Variants in GALNT9 observed in about 807,000 individuals in gnomAD.
The protein encoded by GALNT9 is GalNAc transferase 9.
A neutral mutation model predicts 63.1 loss-of-function variants in GALNT9; 47 were observed. That is an observed-to-expected ratio of 0.75 (90% CI 0.59 to 0.95). GALNT9 has a LOEUF of 0.95. Among genes scored for constraint, GALNT9 ranks in the 40% least tolerant of loss-of-function variants. The probability of loss-of-function intolerance (pLI) is 0.00; values close to 1 mark genes in which losing one functional copy is unlikely to be tolerated. For synonymous variants in GALNT9, 396 were observed against 365.7 expected, an observed-to-expected ratio of 1.08 and a Z score of -0.94; for missense variants, 829 against 874.8, an observed-to-expected ratio of 0.95 and a Z score of 0.66.
At chr12:132,306,688 G>T (rs1881627889) in intron 1 of GALNT9, among the ~76,000 whole-genome samples, 1 of 152,196 alleles carries the variant, frequency 6.6e-6, no homozygotes. Flanking sequence ...ACACCGCTTG[G>T]TTTTGGAGGC....
chr12:132,203,694 C>CG lies in GALNT9; in HGVS notation c.1078-5dup, dbSNP rs774494502. Reference sequence around the variant, plus strand: ...TGCTGCCGCCACACTGCCACACCTGCGGGGAGACGGCGCTGGGTGCCGGCG... The same window carrying CG: ...TGCTGCCGCCACACTGCCACACCTGCGGGGGAGACGGCGCTGGGTGCCGGCG... On this transcript the variant is annotated splice_region_variant and splice_polypyrimidine_tract_variant and intron_variant, in intron 6 of 10. Coordinates refer to ENST00000328957, the MANE Select transcript of GALNT9 (RefSeq NM_001122636.2). 3 of 1,610,476 alleles carry CG rather than the reference C, an allele frequency of 1.9e-6. No individual in the cohort carries two copies. The South Asian group carries it at 3.3e-5, about 18-fold the overall frequency.
chr12:132,240,009 G>C (rs1430999729), intron 6 of GALNT9, among the ~76,000 whole-genome samples: 5 of 152,082 alleles, frequency 3.3e-5, no homozygotes, highest in South Asian at 2.1e-4. Flanking sequence ...GGTGAAGAGT[G>C]GCTCCCCAAC....
At chr12:132,280,815 A>T (rs1880307857) in intron 2 of GALNT9, 1 of 150,674 alleles carries the variant, frequency 6.6e-6, no homozygotes, top group South Asian at 2.1e-4. Flanking sequence ...TGAGGTTTCC[A>T]CTCTTTTTCT....
At chr12:132,292,302 T>C (rs60572658) in intron 1 of GALNT9, among the ~76,000 whole-genome samples, 52,229 of 152,100 alleles carry the variant, frequency 0.34, 10,296 homozygotes, top group African/African-American at 0.56. Flanking sequence ...GAGAGCCGCC[T>C]GAGGTGGGTG....
intron 6 of GALNT9, among the ~76,000 whole-genome samples, chr12:132,216,047 T>C (rs980316475): frequency 6.6e-6 from 1 of 152,040 alleles, no homozygotes; most frequent in Non-Finnish European, 1.5e-5. Context: ...CATGCCCATC[T>C]AATGATAGAC....
chr12:132,197,317 CAGGG>C, intron 10 of GALNT9, 64 bp from the exon 11 acceptor site: 1 of 1,581,964 alleles, frequency 6.3e-7, no homozygotes, highest in Non-Finnish European at 8.6e-7. Context: ...CCCCCCACCT[CAGGG>C]AGGCTGCTTC....
intron 1 of GALNT9, among the ~76,000 whole-genome samples, chr12:132,292,577 C>T (rs767699627): frequency 3.9e-5 from 6 of 152,206 alleles, no homozygotes; most frequent in Admixed American, 2.0e-4. Flanking sequence ...CCCCTGGCCC[C>T]GGCATTCACC....
intron 1 of GALNT9, among the ~76,000 whole-genome samples, chr12:132,290,371 A>C (rs1555242596): frequency 6.6e-6 from 1 of 152,124 alleles, no homozygotes; most frequent in Non-Finnish European, 1.5e-5. Context: ...CTGCGGCACC[A>C]TGGGAGTAAG....
At chr12:132,318,558 C>T (rs1417063509) in intron 1 of GALNT9, among the ~76,000 whole-genome samples, 2 of 152,224 alleles carry the variant, frequency 1.3e-5, no homozygotes, top group East Asian at 1.9e-4. Context: ...GGTGCAGTGT[C>T]GCAGCTGCAG....
chr12:132,209,388 A>T (rs1804055810), intron 6 of GALNT9, among the ~76,000 whole-genome samples: 1 of 151,686 alleles, frequency 6.6e-6, no homozygotes, highest in African/African-American at 2.4e-5. Flanking sequence ...ATAAATAAAT[A>T]AAAAATAAAA....
intron 1 of GALNT9, among the ~76,000 whole-genome samples, chr12:132,287,059 G>A (rs929545805): frequency 1.2e-5 from 1 of 80,522 alleles, no homozygotes; most frequent in East Asian, 3.6e-4. Flanking sequence ...CTGAGTGAGC[G>A]CCCCCCCCCC....
rs573325645 is a variant in GALNT9, at chr12:132,314,843, C to T, written c.238+14123G>A. 1.6e-4 allele frequency among the ~76,000 whole-genome samples: 24 copies of T among 152,340 alleles called. No homozygotes were observed. The East Asian group carries it at 4.6e-3, about 29-fold the overall frequency. ...TGGCATTCATGCATCTTGGGCAGAG[C>T]GGAACTAGCTTCCGTGCAGTGGAGT... On this transcript the variant is annotated intron_variant, in intron 1 of 10. Coordinates refer to ENST00000328957, the MANE Select transcript of GALNT9 (RefSeq NM_001122636.2).
chr12:132,217,514 A>G (rs1024731104), intron 6 of GALNT9, among the ~76,000 whole-genome samples: 4 of 142,626 alleles, frequency 2.8e-5, no homozygotes, highest in Non-Finnish European at 6.0e-5. Context: ...CCATCCATCC[A>G]TCCCTGCATC....
chr12:132,247,523 G>T, intron 6 of GALNT9: 1 of 456,142 alleles, frequency 2.2e-6, no homozygotes, highest in South Asian at 1.6e-5. Flanking sequence ...CTCTGGAGAG[G>T]GCTCAGTGCG....
chr12:132,265,044 C>G lies in GALNT9; in HGVS notation c.420-2419G>C, dbSNP rs1206683019. On this transcript the variant is annotated intron_variant, in intron 2 of 10. Transcript: ENST00000328957. This position sits in a 1 kb window ranked among gnomAD's most constrained non-coding sequence, Gnocchi z 5.3. ...AGTTGAAGCGTTTTTATTTAACTCCCTGTCGCCCACCTGCTGGCAAATGGA... is the reference window on the plus strand; with the variant it reads ...AGTTGAAGCGTTTTTATTTAACTCCGTGTCGCCCACCTGCTGGCAAATGGA... Among the ~76,000 whole-genome samples the G allele has an allele frequency of 3.3e-5, 5 of 152,194 alleles. No homozygotes were observed. The highest frequency in any genetic ancestry group is 9.7e-5 in the African/African-American group (4 of 41,448).
Position 132,197,179 on chromosome 12 carries a change from G to A in GALNT9, c.1740C>T (p.Leu580=), listed in dbSNP as rs185451633. 6.2e-7 allele frequency: 1 copy of A among 1,613,970 alleles called. No individual in the cohort carries two copies. The highest frequency in any genetic ancestry group is 8.5e-7 in the Non-Finnish European group (1 of 1,180,028). ...CCGAGCACCTCTGTACCACCAGCCG[G>A]AGCCCAAAGTTGGCATCTTTGGACA... ...VEMSKDANFG[L]RLVVQRCSGQ... Residue 580 remains leucine, a synonymous_variant, in exon 11 of 11, where the codon CTC becomes CTT. Coordinates refer to ENST00000328957, the MANE Select transcript of GALNT9 (RefSeq NM_001122636.2).
chr12:132,215,844 A>G (rs1358993802), intron 6 of GALNT9, among the ~76,000 whole-genome samples: 1 of 151,198 alleles, frequency 6.6e-6, no homozygotes, highest in East Asian at 2.0e-4. Flanking sequence ...GCCCTCCCTG[A>G]CTCACAGCAG....
chr12:132,207,932 C>T (rs11246998), intron 6 of GALNT9, among the ~76,000 whole-genome samples: 29 of 152,212 alleles, frequency 1.9e-4, no homozygotes, highest in African/African-American at 5.5e-4. Context: ...CGACTCCTCG[C>T]GCAAGCAGCA....
chr12:132,257,526 GGCCCTCATCCCCACGCCCTCGTCCCCAC>G, intron 5 of GALNT9, among the ~76,000 whole-genome samples, 135 bp downstream of exon 5: 1 of 112,274 alleles, frequency 8.9e-6, no homozygotes, highest in Admixed American at 8.6e-5. Flanking sequence ...CCTCGTCCCC[GGCCCTCATCCCCACGCCCTCGTCCCCAC>G]GCCCTCGTCC....
Sources: gnomAD v4.1 joint callset for allele counts (sites outside exome capture counted in the v4.1 genomes callset) on GRCh38, gnomAD v4.1.1 for gene constraint, Gnocchi (gnomAD v3.1) non-coding constraint, MANE v1.5 for transcripts, NCBI Gene and HGNC (gene_info 2026-07-23, HGNC 2026-07-21) for gene names.